The following KDM4C variants were observed in gnomAD, a reference collection of about 807,000 sequenced individuals.
KDM4C encodes lysine-specific demethylase 4C.
KDM4C carries 81 observed loss-of-function variants against 129.3 expected under a neutral mutation model. The ratio of observed to expected loss-of-function variants is 0.63; its 90% confidence interval spans 0.52 to 0.75. The LOEUF is 0.75. Among genes scored for constraint, KDM4C ranks in the 30% least tolerant of loss-of-function variants. The pLI, the probability that KDM4C is intolerant of heterozygous loss-of-function variation, is 0.00. For synonymous variants in KDM4C, 573 were observed against 456.1 expected (o/e 1.26, Z -3.26); for missense variants, 1,457 against 1,304.0 (o/e 1.12, Z -1.81).
chr9:7,032,944 C>G (rs1337289988), intron 15 of KDM4C, among the ~76,000 whole-genome samples: 1 of 152,134 alleles, frequency 6.6e-6, no homozygotes, highest in Non-Finnish European at 1.5e-5. Context: ...ACTCTAGGTT[C>G]TGCCTAGAGG....
chr9:6,812,169 G>A (rs867514407), intron 3 of KDM4C, among the ~76,000 whole-genome samples: 2 of 151,666 alleles, frequency 1.3e-5, no homozygotes, highest in African/African-American at 4.8e-5. Context: ...CCCAGGAGGC[G>A]GAGGTTGCAT....
intron 6 of KDM4C, among the ~76,000 whole-genome samples, chr9:6,883,657 C>T (rs1479477775): frequency 2.6e-5 from 4 of 152,052 alleles, no homozygotes; most frequent in African/African-American, 4.8e-5. Flanking sequence ...TTCTCTTAAC[C>T]GAGAATGGAG....
At chr9:6,770,964 CG>C (rs750051162) in intron 1 of KDM4C, among the ~76,000 whole-genome samples, 2 of 151,090 alleles carry the variant, frequency 1.3e-5, no homozygotes, top group Non-Finnish European at 3.0e-5. Context: ...TCAGTAGAGA[CG>C]GGGTTTCACC....
chr9:6,919,273 G>GTC (rs780125478), intron 8 of KDM4C, among the ~76,000 whole-genome samples: 4,220 of 36,178 alleles, frequency 0.12, 133 homozygotes, highest in African/African-American at 0.21. Context: ...CTTTCTTTCT[G>GTC]TCTCTCTCTC....
At position 6,887,941 on chromosome 9, in the gene KDM4C, A is replaced by G. The variant is rs560295636; in HGVS notation, c.680-19A>G. ...TCTTAATCGACACAGTGCCACTTACATTTATTGTTTCTTTTTAGGTTTTTT... is the reference window on the plus strand; with the variant it reads ...TCTTAATCGACACAGTGCCACTTACGTTTATTGTTTCTTTTTAGGTTTTTT... On this transcript the variant is annotated intron_variant, in intron 6 of 21. Coordinates refer to ENST00000381309, the MANE Select transcript of KDM4C (RefSeq NM_015061.6). The G allele has an allele frequency of 8.9e-6, 13 of 1,457,470 alleles. No individual in the cohort carries two copies. In the South Asian group the frequency reaches 1.3e-4, roughly 14 times the overall value. The allele number at this position is 1,457,470 out of a possible 1,614,324, so 90.3% of individuals were successfully genotyped here. A position where few individuals can be genotyped will look rare whatever the true frequency, so the allele number is the denominator to read the frequency against.
intron 19 of KDM4C, among the ~76,000 whole-genome samples, chr9:7,151,012 G>A (rs12683673): frequency 0.052 from 7,891 of 152,190 alleles, 347 homozygotes; most frequent in African/African-American, 0.11. Flanking sequence ...GGGAAAGTAC[G>A]TACTAACAAA....
intron 5 of KDM4C, 41 bp from the exon 6 acceptor site, chr9:6,879,971 A>C: frequency 3.4e-6 from 4 of 1,167,068 alleles, no homozygotes; most frequent in Non-Finnish European, 4.9e-6. Context: ...CTAGCTGAAA[A>C]ATTATAAACC....
chr9:7,140,045 C>CT (rs1841583302), intron 19 of KDM4C, among the ~76,000 whole-genome samples: 1 of 152,246 alleles, frequency 6.6e-6, no homozygotes, highest in African/African-American at 2.4e-5. Context: ...TGACATACTT[C>CT]TGGGGCATTG....
intron 1 of KDM4C, among the ~76,000 whole-genome samples, chr9:6,786,245 A>G (rs1281669181): frequency 1.3e-5 from 2 of 152,232 alleles, no homozygotes; most frequent in African/African-American, 2.4e-5. Flanking sequence ...CCAAATAAAG[A>G]CACGTTCTCA....
chr9:6,996,349 T>A (rs1819748896), intron 12 of KDM4C, among the ~76,000 whole-genome samples: 1 of 152,206 alleles, frequency 6.6e-6, no homozygotes, highest in African/African-American at 2.4e-5. Flanking sequence ...CCTTCCCCCT[T>A]CTTCTGGCCT....
At chr9:6,863,764 A>T (rs1841418360) in intron 5 of KDM4C, among the ~76,000 whole-genome samples, 1 of 148,730 alleles carries the variant, frequency 6.7e-6, no homozygotes, top group Non-Finnish European at 1.5e-5. Context: ...CACTGCCTCC[A>T]GCCTGGGCGA....
chr9:6,761,320 G>T (rs974602108), intron 1 of KDM4C, among the ~76,000 whole-genome samples: 3 of 151,842 alleles, frequency 2.0e-5, no homozygotes, highest in Non-Finnish European at 1.5e-5. Context: ...CTGGATGTCA[G>T]TATTAAGATC....
chr9:6,934,424 G>A lies in KDM4C; in HGVS notation c.921+41192G>A, dbSNP rs960661998. Reference sequence around the variant, plus strand: ...GAACCCGGGAGGCGGAGCTTGCGGTGAGCTGAGATCATGCCACCGCACTCG... The same window carrying A: ...GAACCCGGGAGGCGGAGCTTGCGGTAAGCTGAGATCATGCCACCGCACTCG... On this transcript the variant is annotated intron_variant, in intron 8 of 21. Coordinates refer to ENST00000381309, the MANE Select transcript of KDM4C (RefSeq NM_015061.6). Among the ~76,000 whole-genome samples, 2 of 150,798 alleles carry A rather than the reference G, an allele frequency of 1.3e-5. 1 individual carries two copies. The highest frequency in any genetic ancestry group is 4.9e-5 in the African/African-American group (2 of 40,970).
chr9:6,958,586 G>GAAAAAAAAA (rs987352305), intron 8 of KDM4C, among the ~76,000 whole-genome samples: 1 of 140,386 alleles, frequency 7.1e-6, no homozygotes. Context: ...GACTCTGTCT[G>GAAAAAAAAA]AAAAAAAAAA....
At chr9:6,741,676 C>CTTTTTT (rs71315557) in intron 1 of KDM4C, among the ~76,000 whole-genome samples, 11 of 94,074 alleles carry the variant, frequency 1.2e-4, no homozygotes, top group African/African-American at 4.2e-4. Context: ...GGTGGCAGCT[C>CTTTTTT]TTTTTTTTTT....
At chr9:6,997,962 A>G (rs1430540372) in intron 12 of KDM4C, among the ~76,000 whole-genome samples, 2 of 152,250 alleles carry the variant, frequency 1.3e-5, no homozygotes, top group Non-Finnish European at 2.9e-5. Flanking sequence ...TACTGTGTTT[A>G]GTCAAGTGCA....
chr9:6,851,772 ATCACT>A (rs1838888285), intron 5 of KDM4C, among the ~76,000 whole-genome samples: 1 of 152,180 alleles, frequency 6.6e-6, no homozygotes, highest in East Asian at 1.9e-4. Context: ...TCTCCTAATG[ATCACT>A]TCAGGAAGAA....
At chr9:6,858,266 GA>G (rs34163729) in intron 5 of KDM4C, among the ~76,000 whole-genome samples, 89,520 of 151,912 alleles carry the variant, frequency 0.59, 26,835 homozygotes, top group East Asian at 0.75. Context: ...GCATATTAAT[GA>G]ATTACTGCTC....
chr9:6,792,608 C>T (rs887840853), intron 1 of KDM4C, among the ~76,000 whole-genome samples: 6 of 152,014 alleles, frequency 3.9e-5, no homozygotes, highest in African/African-American at 1.2e-4. Context: ...AGTCTGGTCT[C>T]GAACTCCTGA....
Sources: gnomAD v4.1 joint callset for allele counts (sites outside exome capture counted in the v4.1 genomes callset) on GRCh38, gnomAD v4.1.1 for gene constraint, MANE v1.5 for transcripts, NCBI Gene and HGNC (gene_info 2026-07-23, HGNC 2026-07-21) for gene names.